Variants in PRKRIP1 observed in about 807,000 individuals in gnomAD.
The protein encoded by PRKRIP1 is PRKR-interacting protein 1.
In PRKRIP1, 29 loss-of-function variants were observed where a neutral mutation model predicts 29.3. The observed-to-expected ratio is 0.99, with a 90% CI of 0.74 to 1.35. The LOEUF (loss-of-function observed/expected upper bound fraction) is 1.35, where lower values mean the gene tolerates loss of function less well. PRKRIP1 is among the 40% of genes most tolerant of loss of function. PRKRIP1 has a pLI of 0.00. For synonymous variants in PRKRIP1, 90 were observed against 85.1 expected (o/e 1.06, Z -0.32); for missense variants, 247 against 236.8 (o/e 1.04, Z -0.28).
chr7:102,398,914 G>A (rs555007809), intron 2 of PRKRIP1, among the ~76,000 whole-genome samples: 3 of 152,252 alleles, frequency 2.0e-5, no homozygotes, highest in East Asian at 3.9e-4. Flanking sequence ...AGAATTGCTC[G>A]AGTTTGAGAC....
At chr7:102,404,147 A>AGT (rs1260760725) in intron 3 of PRKRIP1, among the ~76,000 whole-genome samples, 2 of 152,316 alleles carry the variant, frequency 1.3e-5, no homozygotes. Flanking sequence ...TAGGCGACAG[A>AGT]GTAAGACCTT....
intron 5 of PRKRIP1, among the ~76,000 whole-genome samples, chr7:102,412,182 T>TA (rs1354657231): frequency 2.0e-5 from 3 of 152,226 alleles, no homozygotes; most frequent in African/African-American, 4.8e-5. Context: ...CTGAACATAT[T>TA]AAAAAATGGT....
intron 5 of PRKRIP1, among the ~76,000 whole-genome samples, chr7:102,418,736 C>T (rs1761507181): frequency 6.6e-6 from 1 of 152,122 alleles, no homozygotes; most frequent in Admixed American, 6.6e-5. Context: ...AATTGTTTAC[C>T]GTTACCCTGG....
chr7:102,412,077 T>G (rs1373712126), intron 5 of PRKRIP1, among the ~76,000 whole-genome samples: 1 of 151,540 alleles, frequency 6.6e-6, no homozygotes, highest in East Asian at 2.0e-4. Flanking sequence ...GAGATGGTGT[T>G]TCACCATGTT....
chr7:102,407,423 T>C lies in PRKRIP1; in HGVS notation c.393-11T>C. 1 of 1,575,400 alleles carries C rather than the reference T, an allele frequency of 6.3e-7. No individual in the cohort carries two copies. Among genetic ancestry groups the C allele is most frequent in the Non-Finnish European group, 8.7e-7 (1 of 1,144,856 alleles). ...GTTAAGGAATCAATGTATATGGTTTTACATTTTTAGCCAGAAGTTAAAAGA... is the reference window on the plus strand; with the variant it reads ...GTTAAGGAATCAATGTATATGGTTTCACATTTTTAGCCAGAAGTTAAAAGA... On this transcript the variant is annotated splice_polypyrimidine_tract_variant and intron_variant, in intron 4 of 5. Coordinates refer to ENST00000397912, the MANE Select transcript of PRKRIP1 (RefSeq NM_024653.4).
At position 102,424,420 on chromosome 7, in the gene PRKRIP1, G is replaced by A. The variant is rs551907796; in HGVS notation, c.458-594G>A. Reference sequence around the variant, plus strand: ...AACTCTCACTTGTCCTCCTGCTCCCGCGTGAAGAGGGGGAGGGGAGGAGTT... The same window carrying A: ...AACTCTCACTTGTCCTCCTGCTCCCACGTGAAGAGGGGGAGGGGAGGAGTT... On this transcript the variant is annotated intron_variant, in intron 5 of 5. Transcript: ENST00000397912. 1.9e-3 allele frequency among the ~76,000 whole-genome samples: 296 copies of A among 152,336 alleles called. 2 individuals carry two copies. The highest frequency in any genetic ancestry group is 6.4e-3 in the African/African-American group (265 of 41,582).
chr7:102,416,390 C>T (rs782805658), intron 5 of PRKRIP1, among the ~76,000 whole-genome samples: 8 of 152,212 alleles, frequency 5.3e-5, no homozygotes, highest in Non-Finnish European at 1.2e-4. Flanking sequence ...TACATTATTC[C>T]AGCTGCCTTA....
At chr7:102,419,996 C>G (rs1796653979) in intron 5 of PRKRIP1, among the ~76,000 whole-genome samples, 1 of 151,964 alleles carries the variant, frequency 6.6e-6, no homozygotes, top group Non-Finnish European at 1.5e-5. Flanking sequence ...TTAAGCAATT[C>G]TCTTGTCTCA....
chr7:102,406,582 T>G (rs1189167680), intron 4 of PRKRIP1, among the ~76,000 whole-genome samples: 1 of 152,164 alleles, frequency 6.6e-6, no homozygotes, highest in Non-Finnish European at 1.5e-5. Flanking sequence ...CTCATGTAGT[T>G]GTAAGAGGAT....
At chr7:102,424,388 C>T (rs1796781275) in intron 5 of PRKRIP1, among the ~76,000 whole-genome samples, 1 of 152,248 alleles carries the variant, frequency 6.6e-6, no homozygotes, top group Admixed American at 6.5e-5. Context: ...TCTGCCTCTG[C>T]CTTTCCAACT....
intron 5 of PRKRIP1, 69 bp from the exon 6 acceptor site, chr7:102,424,945 C>G (rs1796794779): frequency 3.3e-6 from 5 of 1,515,246 alleles, no homozygotes; most frequent in Non-Finnish European, 4.5e-6. Context: ...CATCAGCTCT[C>G]CTCTTTGAAA....
rs782044915 is a variant in PRKRIP1 at position 102,396,411 on chromosome 7, C to A, written c.-1C>A. 6 of 1,565,320 alleles carry A rather than the reference C, an allele frequency of 3.8e-6. No homozygotes were observed. In the Admixed American group the frequency reaches 6.4e-5, roughly 17 times the overall value. ...CTCGCTTGTGAAACTGGAAGGCTGCCATGGCTAGCCCAGCCGCCTCCTCGG... is the reference window on the plus strand; with the variant it reads ...CTCGCTTGTGAAACTGGAAGGCTGCAATGGCTAGCCCAGCCGCCTCCTCGG... On this transcript the variant is annotated 5_prime_UTR_variant, in exon 1 of 6. Transcript: ENST00000397912.
At chr7:102,423,498 T>C (rs782057137) in intron 5 of PRKRIP1, 40 of 226,176 alleles carry the variant, frequency 1.8e-4, no homozygotes, top group Non-Finnish European at 3.0e-4. Context: ...TCTTAGTGAA[T>C]AGGAGATCTC....
chr7:102,405,222 C>T (rs994155734), intron 4 of PRKRIP1, among the ~76,000 whole-genome samples: 4 of 152,206 alleles, frequency 2.6e-5, no homozygotes, highest in East Asian at 1.9e-4. Flanking sequence ...CCACCACACA[C>T]GGCCGCATCT....
chr7:102,413,269 G>T (rs1371023926), intron 5 of PRKRIP1, among the ~76,000 whole-genome samples: 1 of 152,176 alleles, frequency 6.6e-6, no homozygotes, highest in East Asian at 1.9e-4. Context: ...GTTCCTGTCT[G>T]AGAGCTCCTG....
chr7:102,403,344 G>T (rs1048771905), intron 3 of PRKRIP1, among the ~76,000 whole-genome samples: 1 of 152,180 alleles, frequency 6.6e-6, no homozygotes, highest in Non-Finnish European at 1.5e-5. Context: ...AAGCAGATGC[G>T]TACAGCCCTG....
chr7:102,422,483 ACAGG>A (rs1796720773), intron 5 of PRKRIP1, among the ~76,000 whole-genome samples: 2 of 152,088 alleles, frequency 1.3e-5, no homozygotes, highest in East Asian at 3.9e-4. Context: ...AGCTGGGATT[ACAGG>A]TGCACCACCA....
At chr7:102,421,905 C>G (rs1248029081) in intron 5 of PRKRIP1, among the ~76,000 whole-genome samples, 1 of 152,046 alleles carries the variant, frequency 6.6e-6, no homozygotes, top group African/African-American at 2.4e-5. Flanking sequence ...GTTCTCATGA[C>G]ACAGCTGTGC....
intron 5 of PRKRIP1, among the ~76,000 whole-genome samples, chr7:102,418,522 C>T (rs1022031474): frequency 6.6e-6 from 1 of 152,128 alleles, no homozygotes; most frequent in Admixed American, 6.6e-5. Context: ...AATACTAATA[C>T]CCATAACCAT....
Sources: allele counts gnomAD v4.1 joint callset (sites outside exome capture counted in the v4.1 genomes callset), GRCh38; gene constraint gnomAD v4.1.1; transcripts MANE v1.5; gene names NCBI Gene and HGNC (gene_info 2026-07-23, HGNC 2026-07-21).